C11orf52: variants seen among roughly 807,000 people sequenced by gnomAD.
The protein encoded by C11orf52 is chromosome 11 open reading frame 52.
In C11orf52, 9 loss-of-function variants were observed where a neutral mutation model predicts 11.7. The observed-to-expected ratio is 0.77, with a 90% CI of 0.46 to 1.34. C11orf52 has a LOEUF of 1.34. Among genes scored for constraint, C11orf52 ranks in the 40% most tolerant of loss-of-function variants. The probability of loss-of-function intolerance (pLI) is 0.00; values close to 1 mark genes in which losing one functional copy is unlikely to be tolerated. For synonymous variants in C11orf52, 49 were observed against 57.4 expected (o/e 0.85, Z 0.66); for missense variants, 139 against 154.8 (o/e 0.90, Z 0.54).
At chr11:111,922,022 G>A (rs927883247) in intron 1 of C11orf52, among the ~76,000 whole-genome samples, 14 of 152,260 alleles carry the variant, frequency 9.2e-5, no homozygotes, top group South Asian at 6.2e-4. Flanking sequence ...TAGCAGAGAC[G>A]GGGTTTCACC....
At chr11:111,921,829 A>G (rs1399143234) in intron 1 of C11orf52, among the ~76,000 whole-genome samples, 1 of 146,462 alleles carries the variant, frequency 6.8e-6, no homozygotes, top group Non-Finnish European at 1.5e-5. Context: ...GAATTATATT[A>G]TCATACTCAT....
chr11:111,923,282 GC>G (rs1965729664), intron 1 of C11orf52, among the ~76,000 whole-genome samples: 1 of 152,172 alleles, frequency 6.6e-6, no homozygotes, highest in South Asian at 2.1e-4. Flanking sequence ...AGACTCAACT[GC>G]TGTCAACTGA....
intron 1 of C11orf52, 154 bp downstream of exon 1, chr11:111,919,158 C>G: frequency 3.5e-6 from 3 of 851,092 alleles, no homozygotes; most frequent in East Asian, 2.7e-5. Flanking sequence ...AGAGCAGCAC[C>G]TCCTTTCAGG....
At chr11:111,920,894 T>C (rs1965686107) in intron 1 of C11orf52, among the ~76,000 whole-genome samples, 2 of 152,222 alleles carry the variant, frequency 1.3e-5, no homozygotes, top group Non-Finnish European at 2.9e-5. Context: ...TCTGTATCCA[T>C]CCTCACATGT....
At chr11:111,920,417 A>C (rs1236256637) in intron 1 of C11orf52, among the ~76,000 whole-genome samples, 2 of 152,044 alleles carry the variant, frequency 1.3e-5, no homozygotes, top group Non-Finnish European at 2.9e-5. Context: ...ACACGCCTGT[A>C]ATCTGAGCTA....
At chr11:111,925,804 G>C (rs1555166896) in intron 3 of C11orf52, 90 bp downstream of exon 3, 1 of 1,570,726 alleles carries the variant, frequency 6.4e-7, no homozygotes, top group African/African-American at 1.4e-5. Flanking sequence ...ACACATTTCA[G>C]TCACCTGTAG....
chr11:111,918,983 G>T lies in C11orf52; in HGVS notation c.11G>T (p.Arg4Leu). The change falls in exon 1 of 4, where the codon CGG (arginine) becomes CTG (leucine). Residue 4 changes from arginine (R) to leucine (L), a missense_variant. Coordinates refer to ENST00000278601, the MANE Select transcript of C11orf52 (RefSeq NM_080659.3). ...TGGAGACAGAGCGCCATGGGAAACCGGGTCTGCTGCGGAGGAAGCTGGTGA... is the reference window on the plus strand; with the variant it reads ...TGGAGACAGAGCGCCATGGGAAACCTGGTCTGCTGCGGAGGAAGCTGGTGA... MGN[R>L]VCCGGSWSCP... The T allele has an allele frequency of 8.1e-6, 13 of 1,614,086 alleles. No homozygotes were observed. The highest frequency in any genetic ancestry group is 1.1e-5 in the Non-Finnish European group (13 of 1,179,952).
intron 2 of C11orf52, among the ~76,000 whole-genome samples, chr11:111,925,243 G>T (rs781904360): frequency 5.3e-5 from 8 of 151,796 alleles, no homozygotes; most frequent in Non-Finnish European, 1.2e-4. Flanking sequence ...TGGCTGATTG[G>T]TATAGCTGAG....
At chr11:111,923,763 T>A (rs1200700444) in intron 1 of C11orf52, 1 of 152,250 alleles carries the variant, frequency 6.6e-6, no homozygotes, top group Non-Finnish European at 1.5e-5. Context: ...AGGTTAAACA[T>A]CTCTCACTTT....
At chr11:111,919,171 G>A in intron 1 of C11orf52, 167 bp downstream of exon 1, 1 of 776,308 alleles carries the variant, frequency 1.3e-6, no homozygotes, top group Non-Finnish European at 2.1e-6. Context: ...CTTTCAGGAG[G>A]CCTTAGAAGA....
Position 111,918,976 on chromosome 11 carries a change from G to A in C11orf52, c.4G>A (p.Gly2Arg). M[G>R]NRVCCGGSWS... ...GCTCCCTTGGAGACAGAGCGCCATGGGAAACCGGGTCTGCTGCGGAGGAAG... is the reference window on the plus strand; with the variant it reads ...GCTCCCTTGGAGACAGAGCGCCATGAGAAACCGGGTCTGCTGCGGAGGAAG... Residue 2 changes from glycine (G) to arginine (R), a missense_variant, in exon 1 of 4, where the codon GGA becomes AGA. Physicochemically the swap from Gly to Arg is moderately radical, Grantham distance 125. Transcript: ENST00000278601. The A allele has an allele frequency of 1.9e-6, 3 of 1,614,112 alleles. No individual in the cohort carries two copies. The highest frequency in any genetic ancestry group is 8.5e-7 in the Non-Finnish European group (1 of 1,179,952).
intron 2 of C11orf52, 48 bp downstream of exon 2, chr11:111,924,411 A>C (rs199849031): frequency 5.7e-5 from 86 of 1,520,392 alleles, no homozygotes; most frequent in Admixed American, 4.4e-4. Flanking sequence ...AAATTAGAGA[A>C]GACAATAGAA....
intron 2 of C11orf52, among the ~76,000 whole-genome samples, chr11:111,925,023 C>A (rs1269221092): frequency 2.6e-5 from 4 of 152,082 alleles, no homozygotes; most frequent in African/African-American, 9.7e-5. Context: ...ACTTGGGAGG[C>A]CAAGGCACGA....
chr11:111,925,656 G>A lies in C11orf52; in HGVS notation c.74G>A (p.Ser25Asn). ...AAGTTGGATTTCTTCCCCTCAGGAA[G>A]CCAAACAAGACGGACACTGAAGCCG... is the stretch of plus-strand genomic sequence containing the variant. ...STFQKKKKTG[S>N]QTRRTLKPQP... Residue 25 changes from serine to asparagine, a missense_variant, in exon 3 of 4, where the codon AGC becomes AAC. By Grantham distance (46) the Ser-to-Asn change is conservative. Transcript: ENST00000278601. 1 of 1,614,208 alleles carries A rather than the reference G, an allele frequency of 6.2e-7. No homozygotes were observed. Among genetic ancestry groups the A allele is most frequent in the Non-Finnish European group, 8.5e-7 (1 of 1,180,030 alleles).
chr11:111,925,564 C>T, intron 2 of C11orf52, 89 bp from the exon 3 acceptor site: 4 of 1,305,204 alleles, frequency 3.1e-6, no homozygotes, highest in Middle Eastern at 1.8e-4. Flanking sequence ...AGAAGCCTGC[C>T]GTTAATAGTT....
At chr11:111,920,087 C>T (rs1284109357) in intron 1 of C11orf52, among the ~76,000 whole-genome samples, 3 of 151,702 alleles carry the variant, frequency 2.0e-5, no homozygotes, top group South Asian at 2.1e-4. Flanking sequence ...CCCAGCTACT[C>T]GGGAGGCTGA....
chr11:111,925,775 C>T (rs1339507307), intron 3 of C11orf52, 61 bp downstream of exon 3: 1 of 1,589,938 alleles, frequency 6.3e-7, no homozygotes, highest in East Asian at 2.2e-5. Flanking sequence ...CAGTAGTCAG[C>T]TCTTTTGCAC....
intron 1 of C11orf52, 119 bp downstream of exon 1, chr11:111,919,123 C>A: frequency 9.2e-7 from 1 of 1,087,488 alleles, no homozygotes; most frequent in Non-Finnish European, 1.4e-6. Context: ...CCTTCCTCTG[C>A]CTGGTACCTC....
chr11:111,925,752 G>A (rs782337652), intron 3 of C11orf52, 38 bp downstream of exon 3: 15 of 1,609,762 alleles, frequency 9.3e-6, no homozygotes, highest in Middle Eastern at 1.7e-4. Flanking sequence ...GGGGCTGCTC[G>A]GACATGGGAT....
Sources: allele counts gnomAD v4.1 joint callset (sites outside exome capture counted in the v4.1 genomes callset), GRCh38; gene constraint gnomAD v4.1.1; transcripts MANE v1.5; gene names NCBI Gene and HGNC (gene_info 2026-07-23, HGNC 2026-07-21).